Variants in OR56A3 observed in about 807,000 individuals in gnomAD.
The protein encoded by OR56A3 is olfactory receptor 56A3.
In OR56A3, 23 loss-of-function variants were observed where a neutral mutation model predicts 17.5. The ratio of observed to expected loss-of-function variants is 1.32; its 90% CI spans 0.95 to 1.87. The LOEUF (loss-of-function observed/expected upper bound fraction) is 1.87, where lower values mean the gene tolerates loss of function less well. OR56A3 is among the 40% of genes most tolerant of loss of function. OR56A3 has a pLI of 0.00. For missense variants in OR56A3, 366 were observed against 380.1 expected (o/e 0.96, Z 0.31); for synonymous variants, 175 against 150.6 (o/e 1.16, Z -1.19).
chr11:5,974,760 T>TAG, the OR56A3 span, among the ~76,000 whole-genome samples: 1 of 152,140 alleles, frequency 6.6e-6, no homozygotes, highest in Non-Finnish European at 1.5e-5. Context: ...ACAAATCACT[T>TAG]TACCTCTCTG....
the OR56A3 span, chr11:6,001,787 G>A: frequency 5.3e-6 from 2 of 374,756 alleles, no homozygotes; most frequent in Non-Finnish European, 9.5e-6. Context: ...CAAAGTCTTG[G>A]CAAGATTCTT....
rs756454626 is a variant in OR56A3 at position 5,948,105 on chromosome 11, C to T, written c.759C>T (p.Leu253=). Residue 253 remains leucine (L), a synonymous_variant, in exon 3 of 3, where the codon CTC becomes CTT. Coordinates refer to ENST00000641160, the MANE Select transcript of OR56A3 (RefSeq NM_001003443.3). ...STCGSHFMLI[L]FFSTILLVFV... ...GTGGCTCCCACTTCATGCTCATCCT[C>T]TTCTTCAGCACCATCCTTCTGGTTT... 14 of 1,614,266 alleles carry T rather than the reference C, an allele frequency of 8.7e-6. No individual in the cohort carries two copies. Among genetic ancestry groups the T allele is most frequent in the Non-Finnish European group, 1.2e-5 (14 of 1,180,052 alleles).
chr11:6,004,607 A>G, the OR56A3 span, among the ~76,000 whole-genome samples: 1 of 152,226 alleles, frequency 6.6e-6, no homozygotes, highest in Non-Finnish European at 1.5e-5. Flanking sequence ...AAATTTACCC[A>G]TTGTAGGGCC....
At chr11:5,951,386 A>AT (rs1287078756), downstream of OR56A3, 2 of 152,186 alleles carry the variant, frequency 1.3e-5, no homozygotes, top group Non-Finnish European at 2.9e-5. Context: ...CTATTTAACT[A>AT]TTTTTTGCTG....
chr11:5,975,114 TC>T, the OR56A3 span, among the ~76,000 whole-genome samples: 4 of 152,184 alleles, frequency 2.6e-5, no homozygotes, highest in African/African-American at 9.6e-5. Flanking sequence ...AAAGAGAGAG[TC>T]CAGATCATAT....
At chr11:5,960,016 G>C in the OR56A3 span, among the ~76,000 whole-genome samples, 1 of 152,092 alleles carries the variant, frequency 6.6e-6, no homozygotes, top group Non-Finnish European at 1.5e-5. Context: ...TTCTGCTCCA[G>C]TGGTCTATAT....
intron 2 of OR56A3, among the ~76,000 whole-genome samples, chr11:5,946,095 C>T (rs1011047251): frequency 6.6e-6 from 1 of 152,184 alleles, no homozygotes; most frequent in African/African-American, 2.4e-5. Flanking sequence ...CTACAGTGTT[C>T]TTTCTATGGG....
At chr11:5,993,223 G>A in the OR56A3 span, among the ~76,000 whole-genome samples, 2 of 152,212 alleles carry the variant, frequency 1.3e-5, no homozygotes, top group South Asian at 4.1e-4. Context: ...ACTGGAGCAT[G>A]CTGGGTCTTT....
the OR56A3 span, among the ~76,000 whole-genome samples, chr11:6,005,646 T>C: frequency 6.6e-6 from 1 of 152,224 alleles, no homozygotes; most frequent in Admixed American, 6.5e-5. Context: ...ATCTTGTAGT[T>C]CTGGAAGCTA....
At chr11:5,942,506 A>G (rs1352854256) in intron 1 of OR56A3, 132 bp downstream of exon 1, 4 of 152,236 alleles carry the variant, frequency 2.6e-5, no homozygotes, top group African/African-American at 9.6e-5. Context: ...TAAAAAGTGC[A>G]TAATTTGGAG....
At position 5,948,700 on chromosome 11, in the gene OR56A3, T is replaced by C. The variant is rs1847889967; in HGVS notation, c.*406T>C. The C allele has an allele frequency of 1.8e-5, 3 of 169,072 alleles. No individual in the cohort carries two copies. The highest frequency in any genetic ancestry group is 3.9e-5 in the Non-Finnish European group (3 of 77,484). 10.5% of individuals were successfully genotyped at this position (169,072 alleles called of 1,614,324 possible). ...TCTTATTTTCAGAAAAGGGAATACA[T>C]TGGAGAAAAAAACACAGTAGTTGAA... is the stretch of plus-strand genomic sequence containing the variant. On this transcript the variant is annotated 3_prime_UTR_variant, in exon 3 of 3. Transcript: ENST00000641160.
At chr11:6,008,205 T>G in the OR56A3 span, among the ~76,000 whole-genome samples, 3 of 152,216 alleles carry the variant, frequency 2.0e-5, no homozygotes, top group Admixed American at 2.0e-4. Context: ...GACTCATGGT[T>G]TCCTCCCCAC....
chr11:5,996,378 C>A, the OR56A3 span, among the ~76,000 whole-genome samples: 2 of 152,120 alleles, frequency 1.3e-5, no homozygotes, highest in Non-Finnish European at 2.9e-5. Flanking sequence ...TCAACACATC[C>A]AAAGTTCCCA....
the OR56A3 span, among the ~76,000 whole-genome samples, chr11:5,974,188 C>T: frequency 2.4e-3 from 368 of 151,102 alleles, 3 homozygotes; most frequent in African/African-American, 8.5e-3. Flanking sequence ...CTTATTACAA[C>T]TTCCACCTCC....
In OR56A3 at chr11:5,947,466, CT is replaced by C. The variant is rs1343461683; in HGVS notation, c.122del (p.Leu41TrpfsTer3). ...CCCTGCCCCTCAGCCTCCTTTTCCT[CT>C]TGGCCGTAGGGGCCAACACCACCCT... Reference protein sequence around the residue: ...LSLPLSLLFLLAVGANTTLLM... With the variant: ...LSLPLSLLFLXAVGANTTLLM... On this transcript the variant is annotated frameshift_variant, in exon 3 of 3. Transcript: ENST00000641160. LOFTEE classifies it high-confidence loss of function. 1 of 1,613,946 alleles carries C rather than the reference CT, an allele frequency of 6.2e-7. No individual in the cohort carries two copies. The highest frequency in any genetic ancestry group is 8.5e-7 in the Non-Finnish European group (1 of 1,179,916).
At chr11:5,986,698 T>A in the OR56A3 span, 1 of 1,613,702 alleles carries the variant, frequency 6.2e-7, no homozygotes, top group Non-Finnish European at 8.5e-7. Context: ...CAGGAAGAGG[T>A]ACATAGATTG....
chr11:5,947,648 G>C lies in OR56A3; in HGVS notation c.302G>C (p.Cys101Ser). The change falls in exon 3 of 3, where the codon TGC becomes TCC. Residue 101 changes from cysteine to serine, a missense_variant. By Grantham distance (112) the Cys-to-Ser change is moderately radical. Transcript: ENST00000641160. ...CTCAGGCCCATCAGCTTCCCTGCCTGCTTCCTCCAGATGTACATCATGAAT... is the reference window on the plus strand; with the variant it reads ...CTCAGGCCCATCAGCTTCCCTGCCTCCTTCCTCCAGATGTACATCATGAAT... The part of the protein sequence containing the change: ...FDLRPISFPA[C>S]FLQMYIMNCF... The C allele has an allele frequency of 1.2e-6, 2 of 1,614,154 alleles. No homozygotes were observed. The highest frequency in any genetic ancestry group is 8.5e-7 in the Non-Finnish European group (1 of 1,180,030).
chr11:6,018,809 G>A, the OR56A3 span, among the ~76,000 whole-genome samples: 1 of 151,664 alleles, frequency 6.6e-6, no homozygotes, highest in Non-Finnish European at 1.5e-5. Flanking sequence ...GAAAAAGAGA[G>A]AAGATGCAAA....
chr11:5,972,292 G>A, the OR56A3 span, among the ~76,000 whole-genome samples: 2 of 152,280 alleles, frequency 1.3e-5, no homozygotes, highest in South Asian at 4.1e-4. Flanking sequence ...GCTTCCAGCA[G>A]GAAACTAGGA....
Sources: allele counts gnomAD v4.1 joint callset (sites outside exome capture counted in the v4.1 genomes callset), GRCh38; gene constraint gnomAD v4.1.1; transcripts MANE v1.5; gene names NCBI Gene and HGNC (gene_info 2026-07-23, HGNC 2026-07-21).